Variants in DNAJC1 observed in about 807,000 individuals in gnomAD.
DNAJC1 encodes DnaJ heat shock protein family (Hsp40) member C1.
Under a neutral mutation model 76.6 loss-of-function variants are expected in DNAJC1, and 58 were observed. The ratio of observed to expected loss-of-function variants is 0.76; its 90% CI spans 0.61 to 0.94. The LOEUF is 0.94. Among genes scored for constraint, DNAJC1 ranks in the 40% least tolerant of loss-of-function variants. The pLI, the probability that DNAJC1 is intolerant of heterozygous loss-of-function variation, is 0.00. For synonymous variants in DNAJC1, 258 were observed against 267.9 expected (o/e 0.96, Z 0.36); for missense variants, 689 against 677.3 (o/e 1.02, Z -0.19).
chr10:21,893,471 C>CA (rs1384840562), intron 7 of DNAJC1, among the ~76,000 whole-genome samples: 1 of 151,008 alleles, frequency 6.6e-6, no homozygotes, highest in African/African-American at 2.4e-5. Flanking sequence ...CTACTAAAAA[C>CA]AAAAAAATTA....
intron 9 of DNAJC1, among the ~76,000 whole-genome samples, chr10:21,782,571 T>A (rs1006158150): frequency 6.6e-6 from 1 of 152,172 alleles, no homozygotes; most frequent in Non-Finnish European, 1.5e-5. Flanking sequence ...ATCATCCTGA[T>A]ACCAAAGCCT....
At chr10:21,952,479 C>T (rs1837614613) in intron 1 of DNAJC1, among the ~76,000 whole-genome samples, 1 of 152,056 alleles carries the variant, frequency 6.6e-6, no homozygotes. Context: ...CAGGGTCAGG[C>T]AGGCGTGGTG....
chr10:21,901,548 C>T (rs775853861), intron 7 of DNAJC1, among the ~76,000 whole-genome samples: 5 of 152,142 alleles, frequency 3.3e-5, no homozygotes, highest in Middle Eastern at 3.4e-3. Flanking sequence ...AAATATATAT[C>T]AACAATTTTT....
intron 1 of DNAJC1, among the ~76,000 whole-genome samples, chr10:21,943,753 A>T (rs994107565): frequency 6.6e-6 from 1 of 152,180 alleles, no homozygotes; most frequent in East Asian, 1.9e-4. Context: ...ACCCCTGCCC[A>T]AAGCAGGATC....
In DNAJC1 at chr10:21,863,089, G is replaced by A. The variant is rs113981463; in HGVS notation, c.978+19193C>T. 3.4e-3 allele frequency among the ~76,000 whole-genome samples: 513 copies of A among 152,086 alleles called. 7 individuals carry two copies. The highest frequency in any genetic ancestry group is 0.01 in the Middle Eastern group (3 of 294). On this transcript the variant is annotated intron_variant, in intron 8 of 11. Coordinates refer to ENST00000376980, the MANE Select transcript of DNAJC1 (RefSeq NM_022365.4). ...GGAGGTTGCAGTGTGCCGAGATCGC[G>A]CCATTGCACTCCAGCCTGGGCAACA...
chr10:21,976,976 C>T (rs1838076951), intron 1 of DNAJC1, among the ~76,000 whole-genome samples: 1 of 152,046 alleles, frequency 6.6e-6, no homozygotes, highest in Admixed American at 6.6e-5. Flanking sequence ...AAACAAGTAG[C>T]ATCAGTAAAG....
At chr10:21,874,110 T>C (rs952101328) in intron 8 of DNAJC1, among the ~76,000 whole-genome samples, 1 of 152,176 alleles carries the variant, frequency 6.6e-6, no homozygotes, top group African/African-American at 2.4e-5. Flanking sequence ...CATACAATAT[T>C]ATTCAGCCAC....
chr10:21,926,497 C>A (rs1443266157), intron 3 of DNAJC1, among the ~76,000 whole-genome samples: 1 of 151,844 alleles, frequency 6.6e-6, no homozygotes, highest in Non-Finnish European at 1.5e-5. Flanking sequence ...ACTGTGATAC[C>A]AAAATGCATT....
chr10:22,003,083 C>T, intron 1 of DNAJC1, 130 bp downstream of exon 1: 1 of 1,319,612 alleles, frequency 7.6e-7, no homozygotes, highest in Non-Finnish European at 9.7e-7. Flanking sequence ...CCCGGTGACC[C>T]GAGCTGAGGG....
chr10:21,887,889 G>C (rs1367883587), intron 7 of DNAJC1, among the ~76,000 whole-genome samples: 1 of 151,818 alleles, frequency 6.6e-6, no homozygotes, highest in Non-Finnish European at 1.5e-5. Flanking sequence ...TGACAACTGA[G>C]ATTTAAACTT....
chr10:21,832,299 G>A (rs1835371227), intron 8 of DNAJC1, among the ~76,000 whole-genome samples: 2 of 152,008 alleles, frequency 1.3e-5, no homozygotes, highest in African/African-American at 4.8e-5. Context: ...TTCTCTCCTA[G>A]ATGTTTTTCT....
intron 9 of DNAJC1, among the ~76,000 whole-genome samples, chr10:21,786,066 A>G (rs1022557661): frequency 2.0e-5 from 3 of 152,068 alleles, no homozygotes; most frequent in Admixed American, 6.6e-5. Context: ...TCACTGTCGT[A>G]TAGTACAAAG....
At chr10:21,896,657 C>T (rs982601581) in intron 7 of DNAJC1, among the ~76,000 whole-genome samples, 1 of 151,846 alleles carries the variant, frequency 6.6e-6, no homozygotes, top group Non-Finnish European at 1.5e-5. Flanking sequence ...AAAGTTGATG[C>T]TGGAATGAGT....
chr10:21,839,933 A>C (rs1445057948), intron 8 of DNAJC1, among the ~76,000 whole-genome samples: 2 of 152,238 alleles, frequency 1.3e-5, no homozygotes, highest in East Asian at 1.9e-4. Context: ...CCTGGGATGC[A>C]AGGCTGGTTC....
At position 21,856,742 on chromosome 10, in the gene DNAJC1, T is replaced by A. The variant is rs1024018259; in HGVS notation, c.978+25540A>T. ...CACTAATGACACATAGAAAAAAAAA[T>A]TTTTTTTTTTTGAGACAGAGTCTCA... On this transcript the variant is annotated intron_variant, in intron 8 of 11. Transcript: ENST00000376980. 1.3e-4 allele frequency among the ~76,000 whole-genome samples: 19 copies of A among 148,678 alleles called. No homozygotes were observed. In the East Asian group the frequency reaches 2.0e-3, roughly 15 times the overall value.
chr10:21,927,453 CT>C (rs1384022758), intron 3 of DNAJC1, among the ~76,000 whole-genome samples: 2 of 152,130 alleles, frequency 1.3e-5, no homozygotes, highest in Admixed American at 1.3e-4. Context: ...TTTAGGCTGG[CT>C]TTTGCCTAAA....
chr10:21,951,488 AAAC>A (rs1837594143), intron 1 of DNAJC1, among the ~76,000 whole-genome samples: 2 of 152,148 alleles, frequency 1.3e-5, no homozygotes, highest in Non-Finnish European at 2.9e-5. Context: ...TTTCTATAGC[AAAC>A]AACAGCTTTG....
intron 9 of DNAJC1, among the ~76,000 whole-genome samples, chr10:21,779,372 G>A (rs553053607): frequency 7.2e-5 from 11 of 152,042 alleles, no homozygotes; most frequent in South Asian, 6.2e-4. Context: ...CACCTCACAC[G>A]GCCACATACC....
chr10:21,788,735 C>T (rs926436596), intron 9 of DNAJC1, among the ~76,000 whole-genome samples: 7 of 152,140 alleles, frequency 4.6e-5, no homozygotes, highest in Admixed American at 4.6e-4. Context: ...CCTGAGTTGT[C>T]ACTGAGCCCT....
Sources: allele counts gnomAD v4.1 joint callset (sites outside exome capture counted in the v4.1 genomes callset), GRCh38; gene constraint gnomAD v4.1.1; transcripts MANE v1.5; gene names NCBI Gene and HGNC (gene_info 2026-07-23, HGNC 2026-07-21).